Variants in SCNN1B observed in about 807,000 individuals in gnomAD.
The protein encoded by SCNN1B is sodium channel epithelial 1 subunit beta.
In SCNN1B, 46 loss-of-function variants were observed where a neutral mutation model predicts 65.3. That is an observed-to-expected ratio of 0.70 (90% CI 0.56 to 0.90). SCNN1B has a LOEUF of 0.90. Ranked by LOEUF, SCNN1B falls within the 40% of genes least tolerant of loss-of-function variation. The probability of loss-of-function intolerance (pLI) is 0.00; values close to 1 mark genes in which losing one functional copy is unlikely to be tolerated. For synonymous variants in SCNN1B, 349 were observed against 330.6 expected, an observed-to-expected ratio of 1.06 and a Z score of -0.60; for missense variants, 751 against 830.5, an observed-to-expected ratio of 0.90 and a Z score of 1.18.
chr16:23,325,577 A>AT (rs1014008279), intron 1 of SCNN1B, among the ~76,000 whole-genome samples: 4 of 151,346 alleles, frequency 2.6e-5, no homozygotes, highest in East Asian at 1.9e-4. Flanking sequence ...TCTTTTTTGA[A>AT]TTTTTTTTTA....
At chr16:23,374,103 A>G (rs887793790) in intron 7 of SCNN1B, among the ~76,000 whole-genome samples, 7 of 151,952 alleles carry the variant, frequency 4.6e-5, no homozygotes, top group South Asian at 2.1e-4. Flanking sequence ...GAGGTCTACA[A>G]GAATATAAGA....
At chr16:23,349,509 C>G (rs1214883970) in intron 2 of SCNN1B, among the ~76,000 whole-genome samples, 1 of 152,092 alleles carries the variant, frequency 6.6e-6, no homozygotes, top group Non-Finnish European at 1.5e-5. Context: ...AAGAAGATGC[C>G]ACTGCATTCC....
chr16:23,309,205 G>A lies in SCNN1B; in HGVS notation c.-9+6768G>A, dbSNP rs182052078. On this transcript the variant is annotated intron_variant, in intron 1 of 12. Transcript: ENST00000343070. ...CTAGAACTATTATTCTTCCAAATTTGCTCACCATCCTATACTTACAGCTTC... is the reference window on the plus strand; with the variant it reads ...CTAGAACTATTATTCTTCCAAATTTACTCACCATCCTATACTTACAGCTTC... Among the ~76,000 whole-genome samples the A allele has an allele frequency of 5.0e-4, 76 of 152,182 alleles. 2 individuals are homozygous for A. Among genetic ancestry groups the A allele is most frequent in the South Asian group, 2.3e-3 (11 of 4,826 alleles).
chr16:23,283,367 C>T (rs1041598565), intron 1 of SCNN1B, among the ~76,000 whole-genome samples: 12 of 152,152 alleles, frequency 7.9e-5, no homozygotes, highest in South Asian at 2.1e-4. Flanking sequence ...CCCAAGATCA[C>T]GACACTGCAC....
intron 1 of SCNN1B, among the ~76,000 whole-genome samples, chr16:23,321,495 C>T (rs746330620): frequency 1.3e-5 from 2 of 152,174 alleles, no homozygotes; most frequent in Non-Finnish European, 2.9e-5. Context: ...CAAGACAGCA[C>T]ACAGAGCCTG....
At chr16:23,304,085 G>T (rs959353765) in intron 1 of SCNN1B, 2 of 1,535,800 alleles carry the variant, frequency 1.3e-6, no homozygotes, top group African/African-American at 1.4e-5. Flanking sequence ...GGGAATTTAG[G>T]TGACAAAAAT....
chr16:23,365,613 GAAAGAAA>G (rs200187870), intron 4 of SCNN1B, among the ~76,000 whole-genome samples: 4,121 of 69,568 alleles, frequency 0.059, 203 homozygotes, highest in African/African-American at 0.14. Context: ...AAGAAAGAAA[GAAAGAAA>G]AAAGAAAGAA....
At chr16:23,377,057 A>C (rs1191391256) in intron 8 of SCNN1B, 108 bp from the exon 9 acceptor site, 1 of 979,160 alleles carries the variant, frequency 1.0e-6, no homozygotes, top group Admixed American at 2.0e-5. Flanking sequence ...CCTGCCACCT[A>C]ACCACAGGGC....
chr16:23,361,281 C>T (rs111891376), intron 4 of SCNN1B, among the ~76,000 whole-genome samples: 19 of 152,290 alleles, frequency 1.2e-4, no homozygotes, highest in African/African-American at 4.6e-4. Flanking sequence ...AAACCACAGC[C>T]TCCAACTCCT....
chr16:23,378,663 T>A (rs779599849), intron 10 of SCNN1B, 43 bp from the exon 11 acceptor site: 16 of 1,589,522 alleles, frequency 1.0e-5, no homozygotes, highest in Non-Finnish European at 1.3e-5. Flanking sequence ...CTGGGAGGGA[T>A]GCTGCAGATG....
Position 23,340,214 on chromosome 16 carries a change from T to G in SCNN1B, c.-8-8378T>G, listed in dbSNP as rs1417596559. 2.0e-5 allele frequency among the ~76,000 whole-genome samples: 3 copies of G among 152,356 alleles called. No individual in the cohort carries two copies. The East Asian group carries it at 5.8e-4, about 29-fold the overall frequency. On this transcript the variant is annotated intron_variant, in intron 1 of 12. Transcript: ENST00000343070. Reference sequence around the variant, plus strand: ...GCATAGAAATTCTTTGTCAGACATATGTATTCCAAGTATTTTCTCCCAGGA... The same window carrying G: ...GCATAGAAATTCTTTGTCAGACATAGGTATTCCAAGTATTTTCTCCCAGGA...
intron 7 of SCNN1B, 174 bp downstream of exon 7, chr16:23,372,057 C>T: frequency 1.5e-6 from 1 of 678,788 alleles, no homozygotes; most frequent in Non-Finnish European, 2.7e-6. Context: ...GCTCTCTCAC[C>T]AGGGCCTAGG....
At chr16:23,293,763 CA>C (rs530887027) in intron 2 of SCNN1B, among the ~76,000 whole-genome samples, 272 of 147,084 alleles carry the variant, frequency 1.8e-3, no homozygotes, top group Non-Finnish European at 2.6e-3. Context: ...CCCTTCTCTA[CA>C]AAAAAAAAAT....
At chr16:23,341,781 A>G (rs1962059714) in intron 1 of SCNN1B, among the ~76,000 whole-genome samples, 2 of 152,212 alleles carry the variant, frequency 1.3e-5, no homozygotes, top group South Asian at 4.1e-4. Context: ...GTAAGATATC[A>G]CTTCACACCC....
At chr16:23,333,214 A>AAGGAAGGAAGG (rs1567300665) in intron 1 of SCNN1B, among the ~76,000 whole-genome samples, 1 of 69,766 alleles carries the variant, frequency 1.4e-5, no homozygotes, top group Non-Finnish European at 3.1e-5. Flanking sequence ...AGGAAGGAAG[A>AAGGAAGGAAGG]AAGAAAAAAG....
chr16:23,378,601 C>T, intron 10 of SCNN1B, 105 bp from the exon 11 acceptor site: 1 of 1,025,744 alleles, frequency 9.7e-7, no homozygotes, highest in Non-Finnish European at 1.5e-6. Context: ...CCCCGGGGGC[C>T]TCAGGAAGGG....
Position 23,380,604 on chromosome 16 carries a change from C to T in SCNN1B, c.1726C>T (p.Pro576Ser). 3 of 1,613,978 alleles carry T rather than the reference C, an allele frequency of 1.9e-6. No individual in the cohort carries two copies. Among genetic ancestry groups the T allele is most frequent in the Non-Finnish European group, 2.5e-6 (3 of 1,179,950 alleles). The change falls in exon 13 of 13, where the codon CCC becomes TCC. Residue 576 changes from proline (P) to serine (S), a missense_variant. Physicochemically the swap from Pro to Ser is moderately conservative, Grantham distance 74 (BLOSUM62 -1). Transcript: ENST00000343070. This position sits in a 1 kb window ranked among gnomAD's most constrained non-coding sequence, Gnocchi z 5.4. ...RAQASYAGPPPTVAELVEAHT... is the reference protein window; with the variant it reads ...RAQASYAGPPSTVAELVEAHT... ...CCAAGCCAGCTACGCTGGCCCACCG[C>T]CCACCGTGGCCGAGCTGGTGGAGGC...
chr16:23,380,115 C>T lies in SCNN1B; in HGVS notation c.1488C>T (p.Asn496=). 1 of 1,614,114 alleles carries T rather than the reference C, an allele frequency of 6.2e-7. No individual in the cohort carries two copies. The highest frequency in any genetic ancestry group is 8.5e-7 in the Non-Finnish European group (1 of 1,179,972). ...TLSRKGIVKL[N]IYFQEFNYRT... Reference sequence around the variant, plus strand: ...GCAGGAAGGGAATTGTCAAGCTCAACATCTACTTCCAAGAATTTAACTATC... The same window carrying T: ...GCAGGAAGGGAATTGTCAAGCTCAATATCTACTTCCAAGAATTTAACTATC... Residue 496 remains asparagine, a synonymous_variant, in exon 12 of 13, where the codon AAC becomes AAT. Transcript: ENST00000343070. This position sits in a 1 kb window ranked among gnomAD's most constrained non-coding sequence, Gnocchi z 5.4.
chr16:23,321,702 C>T lies in SCNN1B; in HGVS notation c.-9+19265C>T, dbSNP rs574282907. Among the ~76,000 whole-genome samples, 14 of 152,242 alleles carry T rather than the reference C, an allele frequency of 9.2e-5. 1 individual carries two copies. The highest frequency in any genetic ancestry group is 2.9e-4 in the African/African-American group (12 of 41,538). On this transcript the variant is annotated intron_variant, in intron 1 of 12. Transcript: ENST00000343070. ...AGTTCCTGGCACGTTAGGTACTCCG[C>T]GGACGGTGGCTGCTATCATCAGCGT...
Sources: gnomAD v4.1 joint callset for allele counts (sites outside exome capture counted in the v4.1 genomes callset) on GRCh38, gnomAD v4.1.1 for gene constraint, Gnocchi (gnomAD v3.1) non-coding constraint, MANE v1.5 for transcripts, NCBI Gene and HGNC (gene_info 2026-07-23, HGNC 2026-07-21) for gene names.